Variants in REEP1 observed in about 807,000 individuals in gnomAD.
REEP1 encodes the protein receptor expression-enhancing protein 1.
In REEP1, 22 loss-of-function variants were observed where a neutral mutation model predicts 40.3. The observed-to-expected ratio is 0.55, with a 90% CI of 0.39 to 0.78. REEP1 has a LOEUF of 0.78. REEP1 is among the 30% of genes least tolerant of loss of function. The pLI, the probability that REEP1 is intolerant of heterozygous loss-of-function variation, is 0.00. For missense variants in REEP1, 280 were observed against 361.1 expected, an observed-to-expected ratio of 0.78 and a Z score of 1.82; for synonymous variants, 116 against 139.2, an observed-to-expected ratio of 0.83 and a Z score of 1.17.
intron 1 of REEP1, among the ~76,000 whole-genome samples, chr2:86,324,302 A>G (rs1573054161): frequency 2.0e-5 from 3 of 152,214 alleles, no homozygotes; most frequent in South Asian, 4.1e-4. Context: ...CTACAAATCA[A>G]TAAGATAAGG....
Position 86,261,752 on chromosome 2 carries a change from G to A in REEP1, c.182+2213C>T, listed in dbSNP as rs554999653. ...TGTGCTGAGGAGGATTAGTATAAGA[G>A]GAAGGCATGCCTTTTGCAGTTGAGA... On this transcript the variant is annotated intron_variant, in intron 3 of 8. Transcript: ENST00000538924. 2.8e-4 allele frequency among the ~76,000 whole-genome samples: 43 copies of A among 152,336 alleles called. 1 individual carries two copies. In the East Asian group the frequency reaches 8.3e-3, roughly 29 times the overall value.
chr2:86,226,075 T>TCACCACGACCAC (rs1674665729), intron 7 of REEP1, among the ~76,000 whole-genome samples: 1 of 111,792 alleles, frequency 8.9e-6, no homozygotes, highest in Non-Finnish European at 1.9e-5. Flanking sequence ...CTCCAGGCTA[T>TCACCACGACCAC]CACCACCACC....
chr2:86,327,780 G>A (rs1680585085), intron 1 of REEP1, among the ~76,000 whole-genome samples: 1 of 152,094 alleles, frequency 6.6e-6, no homozygotes, highest in Non-Finnish European at 1.5e-5. Flanking sequence ...TGTTAGCCAG[G>A]ATGGTCTGGA....
intron 2 of REEP1, among the ~76,000 whole-genome samples, chr2:86,275,497 C>T (rs889544806): frequency 5.3e-5 from 8 of 152,184 alleles, no homozygotes; most frequent in South Asian, 4.1e-4. Context: ...CTTTATGGAG[C>T]TCCCACAGGT....
intron 1 of REEP1, among the ~76,000 whole-genome samples, chr2:86,318,980 T>C (rs1476049216): frequency 6.6e-6 from 1 of 152,186 alleles, no homozygotes; most frequent in East Asian, 1.9e-4. Flanking sequence ...TGATATTCGA[T>C]ATCAGTGTAA....
chr2:86,254,928 A>C, intron 3 of REEP1, 114 bp from the exon 4 acceptor site: 1 of 1,155,320 alleles, frequency 8.7e-7, no homozygotes, highest in South Asian at 1.3e-5. Flanking sequence ...TGTGGCTGCA[A>C]GTTTCCCAGA....
chr2:86,325,903 CA>C (rs1210834119), intron 1 of REEP1, among the ~76,000 whole-genome samples: 1 of 152,226 alleles, frequency 6.6e-6, no homozygotes, highest in African/African-American at 2.4e-5. Context: ...CTCTTCGTCT[CA>C]GATTGTTTCC....
intron 2 of REEP1, among the ~76,000 whole-genome samples, chr2:86,273,058 A>C (rs767299836): frequency 2.6e-5 from 4 of 151,900 alleles, no homozygotes; most frequent in African/African-American, 7.3e-5. Context: ...TGGGGAGGTC[A>C]AGGCTGCAGT....
At chr2:86,267,366 T>C (rs1677206050) in intron 2 of REEP1, among the ~76,000 whole-genome samples, 1 of 152,194 alleles carries the variant, frequency 6.6e-6, no homozygotes, top group African/African-American at 2.4e-5. Flanking sequence ...AGGTGCCTGC[T>C]TCCCCTTCAC....
At chr2:86,245,431 C>T (rs910731575) in intron 5 of REEP1, among the ~76,000 whole-genome samples, 10 of 152,260 alleles carry the variant, frequency 6.6e-5, no homozygotes, top group East Asian at 1.9e-4. Context: ...TGGTTAAGCC[C>T]GCTCCCACTA....
In REEP1 at chr2:86,334,915, G is replaced by A. The variant is rs936130698; in HGVS notation, c.32+2564C>T. On this transcript the variant is annotated intron_variant, in intron 1 of 8. Coordinates refer to ENST00000538924, the MANE Select transcript of REEP1 (RefSeq NM_001371279.1). Reference sequence around the variant, plus strand: ...GGAAATCTTTGCAACAGCAACATGAGGTTAACTAGCTGTGGACTAGCATCT... The same window carrying A: ...GGAAATCTTTGCAACAGCAACATGAAGTTAACTAGCTGTGGACTAGCATCT... Among the ~76,000 whole-genome samples, 3 of 152,334 alleles carry A rather than the reference G, an allele frequency of 2.0e-5. No individual in the cohort carries two copies. The South Asian group carries it at 6.2e-4, about 32-fold the overall frequency.
intron 2 of REEP1, among the ~76,000 whole-genome samples, chr2:86,274,572 G>A (rs188239694): frequency 4.6e-5 from 7 of 152,254 alleles, no homozygotes; most frequent in Admixed American, 1.3e-4. Flanking sequence ...ATCATTCCTC[G>A]TGGAAATCAA....
intron 8 of REEP1, among the ~76,000 whole-genome samples, chr2:86,217,684 T>TTTTTTTTTTTTTTC (rs1553456158): frequency 1.6e-5 from 2 of 127,864 alleles, no homozygotes; most frequent in East Asian, 2.9e-4. Flanking sequence ...TTTTTTTTTT[T>TTTTTTTTTTTTTTC]CAGATTTTGG....
At chr2:86,225,461 G>A (rs1674630304) in intron 7 of REEP1, among the ~76,000 whole-genome samples, 1 of 152,120 alleles carries the variant, frequency 6.6e-6, no homozygotes, top group Non-Finnish European at 1.5e-5. Context: ...AGTAGAGATG[G>A]GGTTTCTCCA....
chr2:86,265,614 T>TA (rs1028779107), intron 2 of REEP1, among the ~76,000 whole-genome samples: 1 of 152,124 alleles, frequency 6.6e-6, no homozygotes, highest in Non-Finnish European at 1.5e-5. Flanking sequence ...CCAACCATAA[T>TA]AAAAAATCAT....
chr2:86,249,629 T>A (rs768547672), intron 5 of REEP1, among the ~76,000 whole-genome samples: 1 of 151,378 alleles, frequency 6.6e-6, no homozygotes, highest in African/African-American at 2.4e-5. Context: ...AAAAAAAAAA[T>A]AAAAAGCAAA....
At chr2:86,245,783 G>A (rs1207254448) in intron 5 of REEP1, among the ~76,000 whole-genome samples, 1 of 93,846 alleles carries the variant, frequency 1.1e-5, no homozygotes, top group Non-Finnish European at 2.1e-5. Flanking sequence ...TTTTTTTTTT[G>A]AGACAGAGTC....
chr2:86,263,833 A>C, intron 3 of REEP1, 132 bp downstream of exon 3: 1 of 730,594 alleles, frequency 1.4e-6, no homozygotes, highest in South Asian at 1.4e-5. Flanking sequence ...AAAATGCTCC[A>C]GTTAACATCC....
At chr2:86,251,874 G>A (rs773727205) in intron 5 of REEP1, 83 bp downstream of exon 5, 1 of 945,328 alleles carries the variant, frequency 1.1e-6, no homozygotes, top group African/African-American at 1.6e-5. Context: ...TCCTTAGCCT[G>A]TTCTGTGTGG....
Sources: gnomAD v4.1 joint callset for allele counts (sites outside exome capture counted in the v4.1 genomes callset) on GRCh38, gnomAD v4.1.1 for gene constraint, MANE v1.5 for transcripts, NCBI Gene and HGNC (gene_info 2026-07-23, HGNC 2026-07-21) for gene names.